The following GNG4 variants were observed in gnomAD, a reference collection of about 807,000 sequenced individuals.
GNG4 encodes the protein G protein subunit gamma 4.
A neutral mutation model predicts 5.8 loss-of-function variants in GNG4; 4 were observed. That is an observed-to-expected ratio of 0.69 (90% CI 0.34 to 1.57). The LOEUF is 1.57. GNG4 is among the 40% of genes most tolerant of loss of function. GNG4 has a pLI of 0.06. For synonymous variants in GNG4, 29 were observed against 32.9 expected (o/e 0.88, Z 0.41); for missense variants, 96 against 95.1 (o/e 1.01, Z -0.04).
intron 1 of GNG4, among the ~76,000 whole-genome samples, chr1:235,629,186 T>TAA (rs144347983): frequency 6.8e-6 from 1 of 147,862 alleles, no homozygotes; most frequent in African/African-American, 2.5e-5. Context: ...CCCCGCCAAT[T>TAA]AAAAAAAAAA....
intron 1 of GNG4, among the ~76,000 whole-genome samples, chr1:235,640,808 C>T (rs1657304528): frequency 1.3e-5 from 2 of 152,346 alleles, no homozygotes; most frequent in South Asian, 4.1e-4. Flanking sequence ...CTCTCCCTCC[C>T]TTTTGTTGCC....
intron 1 of GNG4, among the ~76,000 whole-genome samples, chr1:235,612,091 A>G (rs370952287): frequency 1.0e-4 from 10 of 98,808 alleles, no homozygotes; most frequent in African/African-American, 6.2e-4. Context: ...AAAAAAAAAA[A>G]GAGGAGAAAG....
chr1:235,626,316 G>A (rs575714488), intron 1 of GNG4, among the ~76,000 whole-genome samples: 1 of 152,216 alleles, frequency 6.6e-6, no homozygotes, highest in South Asian at 2.1e-4. Context: ...TGTATTCTGA[G>A]TGACAGCATT....
At chr1:235,576,521 T>C (rs995654600) in intron 3 of GNG4, among the ~76,000 whole-genome samples, 2 of 152,200 alleles carry the variant, frequency 1.3e-5, no homozygotes, top group Non-Finnish European at 2.9e-5. Context: ...CTGGGTATTA[T>C]TTTCCAAGCT....
chr1:235,639,637 G>A (rs1264700768), intron 1 of GNG4, among the ~76,000 whole-genome samples: 1 of 152,088 alleles, frequency 6.6e-6, no homozygotes, highest in Non-Finnish European at 1.5e-5. Flanking sequence ...TCTGCCTCCT[G>A]GGTTCAGGCG....
At chr1:235,640,819 G>A (rs114641866) in intron 1 of GNG4, among the ~76,000 whole-genome samples, 2 of 152,310 alleles carry the variant, frequency 1.3e-5, no homozygotes, top group Non-Finnish European at 2.9e-5. Flanking sequence ...TTTTGTTGCC[G>A]CTTGGCGCCT....
At chr1:235,635,213 A>G (rs898455428) in intron 1 of GNG4, among the ~76,000 whole-genome samples, 9 of 152,214 alleles carry the variant, frequency 5.9e-5, no homozygotes, top group Non-Finnish European at 1.3e-4. Context: ...TATGGTTTGG[A>G]TATTTGGATA....
chr1:235,591,027 C>T (rs1687948366), intron 2 of GNG4, among the ~76,000 whole-genome samples: 1 of 152,194 alleles, frequency 6.6e-6, no homozygotes, highest in Non-Finnish European at 1.5e-5. Context: ...CGTGAGGCTG[C>T]TGGTCCACGG....
At chr1:235,623,444 T>A (rs1488385746) in intron 1 of GNG4, among the ~76,000 whole-genome samples, 1 of 152,184 alleles carries the variant, frequency 6.6e-6, no homozygotes, top group Non-Finnish European at 1.5e-5. Context: ...GGTGACTTCG[T>A]GGCTTCTGCC....
At chr1:235,638,694 C>T (rs1279867696) in intron 1 of GNG4, among the ~76,000 whole-genome samples, 1 of 152,058 alleles carries the variant, frequency 6.6e-6, no homozygotes, top group Non-Finnish European at 1.5e-5. Flanking sequence ...TGTGATGTTC[C>T]CCTCCCTGTG....
At chr1:235,632,888 G>A (rs1467638891) in intron 1 of GNG4, among the ~76,000 whole-genome samples, 1 of 152,160 alleles carries the variant, frequency 6.6e-6, no homozygotes, top group Non-Finnish European at 1.5e-5. Context: ...GGATGAAACC[G>A]AAAGACTATT....
chr1:235,563,289 G>A (rs548612625), intron 3 of GNG4, among the ~76,000 whole-genome samples: 19 of 151,774 alleles, frequency 1.3e-4, no homozygotes, highest in East Asian at 9.7e-4. Flanking sequence ...CGGGCGTAGC[G>A]GTGCGCACCT....
intron 1 of GNG4, among the ~76,000 whole-genome samples, chr1:235,622,474 G>A (rs1033501954): frequency 2.6e-5 from 4 of 152,162 alleles, no homozygotes; most frequent in African/African-American, 9.7e-5. Flanking sequence ...AGCATTTTGG[G>A]AGGCTGAGTT....
At chr1:235,590,466 GGT>G (rs1473582962) in intron 2 of GNG4, among the ~76,000 whole-genome samples, 18 of 152,024 alleles carry the variant, frequency 1.2e-4, no homozygotes, top group African/African-American at 4.1e-4. Context: ...AAAAAAAGAA[GGT>G]GGAGAGGTAA....
At position 235,550,338 on chromosome 1, in the gene GNG4, G is replaced by A. The variant is rs966157402; in HGVS notation, c.*1771C>T. On this transcript the variant is annotated 3_prime_UTR_variant, in exon 4 of 4. Coordinates refer to ENST00000391854, the MANE Select transcript of GNG4 (RefSeq NM_001098722.2). ...TGCTTCACGGTGTGCAGTTATGATA[G>A]TTTGTGGGTCTCCCTACCTGCAAAC... 1 of 152,234 alleles carries A rather than the reference G, an allele frequency of 6.6e-6. No individual in the cohort carries two copies. The highest frequency in any genetic ancestry group is 1.5e-5 in the Non-Finnish European group (1 of 68,042). 9.4% of individuals were successfully genotyped at this position (152,234 alleles called of 1,614,324 possible).
intron 1 of GNG4, among the ~76,000 whole-genome samples, chr1:235,647,131 T>C (rs1657530517): frequency 6.6e-6 from 1 of 152,212 alleles, no homozygotes; most frequent in African/African-American, 2.4e-5. Context: ...GTAGTACTTA[T>C]ACCTCTATTA....
At chr1:235,597,249 G>A (rs1172319168) in intron 1 of GNG4, among the ~76,000 whole-genome samples, 3 of 152,232 alleles carry the variant, frequency 2.0e-5, no homozygotes, top group East Asian at 3.8e-4. Flanking sequence ...CTAAAAGCCC[G>A]ACAAGAATAA....
At chr1:235,577,783 G>A (rs1238498479) in intron 3 of GNG4, among the ~76,000 whole-genome samples, 7 of 152,132 alleles carry the variant, frequency 4.6e-5, no homozygotes, top group East Asian at 1.9e-4. Context: ...GACATGGTGT[G>A]TGCGAGTTCA....
chr1:235,586,945 T>C (rs569288191), intron 2 of GNG4, among the ~76,000 whole-genome samples: 45 of 152,262 alleles, frequency 3.0e-4, no homozygotes, highest in African/African-American at 1.1e-3. Context: ...TTGATCCTGC[T>C]CTCCCCATTC....
Sources: allele counts gnomAD v4.1 joint callset (sites outside exome capture counted in the v4.1 genomes callset), GRCh38; gene constraint gnomAD v4.1.1; transcripts MANE v1.5; gene names NCBI Gene and HGNC (gene_info 2026-07-23, HGNC 2026-07-21).